The following GNA14 variants were observed in gnomAD, a reference collection of about 807,000 sequenced individuals.
GNA14 encodes guanine nucleotide-binding protein subunit alpha-14.
A neutral mutation model predicts 42.0 loss-of-function variants in GNA14; 50 were observed. That is an observed-to-expected ratio of 1.19 (90% confidence interval 0.95 to 1.51). The LOEUF is 1.51. Among genes scored for constraint, GNA14 ranks in the 40% most tolerant of loss-of-function variants. The pLI is 0.00. For missense variants in GNA14, 473 were observed against 446.2 expected (o/e 1.06, Z -0.54); for synonymous variants, 173 against 163.1 (o/e 1.06, Z -0.46).
At chr9:77,442,040 CAGA>C (rs1835744897) in intron 2 of GNA14, among the ~76,000 whole-genome samples, 1 of 58,142 alleles carries the variant, frequency 1.7e-5, no homozygotes, top group Non-Finnish European at 3.4e-5. Context: ...CTAGAAATAG[CAGA>C]CAAAATATTT....
At chr9:77,586,871 C>G (rs887590616) in intron 1 of GNA14, among the ~76,000 whole-genome samples, 2 of 152,138 alleles carry the variant, frequency 1.3e-5, no homozygotes, top group African/African-American at 2.4e-5. Flanking sequence ...TTGAACACGC[C>G]TGGTCCCCCA....
intron 1 of GNA14, among the ~76,000 whole-genome samples, chr9:77,585,421 G>A (rs73462028): frequency 0.016 from 2,372 of 152,236 alleles, 64 homozygotes; most frequent in African/African-American, 0.053. Context: ...GGAAGAGAAG[G>A]ATGACTCACT....
intron 1 of GNA14, among the ~76,000 whole-genome samples, chr9:77,593,489 T>C (rs1025584036): frequency 1.3e-5 from 2 of 152,164 alleles, no homozygotes; most frequent in African/African-American, 4.8e-5. Flanking sequence ...TTTATATTTT[T>C]AGTAGAGATG....
At chr9:77,577,995 C>T (rs775871332) in intron 1 of GNA14, among the ~76,000 whole-genome samples, 4 of 152,222 alleles carry the variant, frequency 2.6e-5, no homozygotes, top group East Asian at 1.9e-4. Context: ...TGGCCAGGCG[C>T]GGTGGCTCAT....
At chr9:77,494,658 A>G (rs777890957) in intron 2 of GNA14, among the ~76,000 whole-genome samples, 1 of 152,258 alleles carries the variant, frequency 6.6e-6, no homozygotes, top group Non-Finnish European at 1.5e-5. Flanking sequence ...AATTGTTTTA[A>G]AAGAGTTGGA....
At chr9:77,627,261 A>C (rs933427979) in intron 1 of GNA14, among the ~76,000 whole-genome samples, 15 of 152,222 alleles carry the variant, frequency 9.9e-5, no homozygotes, top group African/African-American at 3.6e-4. Context: ...AACCAAAAAA[A>C]GGCCAGGAAC....
chr9:77,457,466 TG>T (rs1836022590), intron 2 of GNA14, among the ~76,000 whole-genome samples: 1 of 152,202 alleles, frequency 6.6e-6, no homozygotes, highest in Non-Finnish European at 1.5e-5. Context: ...CAATTGTGTA[TG>T]CCCGTAAGCT....
rs142553729 is a variant in GNA14 at position 77,521,915 on chromosome 9, C to T, written c.309+7154G>A. Among the ~76,000 whole-genome samples, 1,491 of 152,266 alleles carry T rather than the reference C, an allele frequency of 9.8e-3. 36 individuals carry two copies. Among genetic ancestry groups the T allele is most frequent in the African/African-American group, 0.034 (1,411 of 41,542 alleles). On this transcript the variant is annotated intron_variant, in intron 2 of 6. Coordinates refer to ENST00000341700, the MANE Select transcript of GNA14 (RefSeq NM_004297.4). ...TGGCGCGATCTTGGCTCACTGCAAC[C>T]TCTGTCTCCCAGATTCAAGCGATTC...
At chr9:77,514,835 G>A (rs938041375) in intron 2 of GNA14, among the ~76,000 whole-genome samples, 18 of 152,066 alleles carry the variant, frequency 1.2e-4, no homozygotes, top group African/African-American at 3.1e-4. Flanking sequence ...GGATAGTCTC[G>A]ATCTCCTGTC....
intron 2 of GNA14, among the ~76,000 whole-genome samples, chr9:77,440,524 A>G (rs953096057): frequency 3.3e-5 from 5 of 152,188 alleles, no homozygotes; most frequent in African/African-American, 1.2e-4. Flanking sequence ...GTTAAATTTT[A>G]TATTTTTAAT....
At position 77,645,795 on chromosome 9, in the gene GNA14, G is replaced by C. The variant is rs561607068; in HGVS notation, c.124+1875C>G. Among the ~76,000 whole-genome samples, 15 of 152,262 alleles carry C rather than the reference G, an allele frequency of 9.9e-5. 1 individual carries two copies. Among genetic ancestry groups the C allele is most frequent in the African/African-American group, 3.6e-4 (15 of 41,558 alleles). ...CATACAAAGAGCCAGCATTTGTCAA[G>C]CTCCTGGTATATTCTGGACACTGTA... On this transcript the variant is annotated intron_variant, in intron 1 of 6. Transcript: ENST00000341700.
At chr9:77,620,336 A>G (rs1225118853) in intron 1 of GNA14, among the ~76,000 whole-genome samples, 1 of 152,244 alleles carries the variant, frequency 6.6e-6, no homozygotes, top group African/African-American at 2.4e-5. Context: ...CAACTCATCC[A>G]CAAGGCTTTA....
intron 1 of GNA14, among the ~76,000 whole-genome samples, chr9:77,571,019 T>A (rs1360003568): frequency 1.3e-5 from 2 of 152,198 alleles, no homozygotes; most frequent in Non-Finnish European, 2.9e-5. Flanking sequence ...TCATGTACTC[T>A]ATGATAGAGG....
intron 2 of GNA14, among the ~76,000 whole-genome samples, chr9:77,452,180 G>C (rs917158647): frequency 2.6e-5 from 4 of 152,158 alleles, no homozygotes; most frequent in African/African-American, 9.7e-5. Flanking sequence ...GTAGCCAAGT[G>C]ACAAGCTCCA....
chr9:77,564,306 A>AC (rs1554698974), intron 1 of GNA14, among the ~76,000 whole-genome samples: 9 of 147,414 alleles, frequency 6.1e-5, no homozygotes, highest in Admixed American at 4.1e-4. Flanking sequence ...TAAAAAAAAA[A>AC]AAAAAAAACT....
At chr9:77,640,901 A>G (rs1283478062) in intron 1 of GNA14, among the ~76,000 whole-genome samples, 1 of 148,976 alleles carries the variant, frequency 6.7e-6, no homozygotes, top group Non-Finnish European at 1.5e-5. Context: ...AACAACAGAC[A>G]GAGGCATGTC....
chr9:77,628,602 A>G (rs1012088496), intron 1 of GNA14, among the ~76,000 whole-genome samples: 6 of 152,192 alleles, frequency 3.9e-5, no homozygotes, highest in Non-Finnish European at 4.4e-5. Flanking sequence ...GAGCCATCTG[A>G]TCCTTGACCA....
chr9:77,523,191 C>G (rs749165612), intron 2 of GNA14, among the ~76,000 whole-genome samples: 11 of 152,152 alleles, frequency 7.2e-5, no homozygotes, highest in Non-Finnish European at 1.5e-4. Context: ...CATTGCTAAA[C>G]AGAAATACCT....
At chr9:77,460,073 T>C (rs1836077475) in intron 2 of GNA14, among the ~76,000 whole-genome samples, 1 of 152,226 alleles carries the variant, frequency 6.6e-6, no homozygotes, top group Non-Finnish European at 1.5e-5. Flanking sequence ...GAAAAATTCT[T>C]CCAAACTCTA....
Sources: gnomAD v4.1 joint callset for allele counts (sites outside exome capture counted in the v4.1 genomes callset) on GRCh38, gnomAD v4.1.1 for gene constraint, MANE v1.5 for transcripts, NCBI Gene and HGNC (gene_info 2026-07-23, HGNC 2026-07-21) for gene names.